The following PTPRD variants were observed in gnomAD, a reference collection of about 807,000 sequenced individuals.
The protein encoded by PTPRD is receptor-type tyrosine-protein phosphatase delta.
In PTPRD, 34 loss-of-function variants were observed where a neutral mutation model predicts 214.5. The ratio of observed to expected loss-of-function variants is 0.16; its 90% CI spans 0.12 to 0.21. The LOEUF is 0.21. Among genes scored for constraint, PTPRD ranks in the 10% least tolerant of loss-of-function variants. The pLI is 1.00. For synonymous variants in PTPRD, 1,128 were observed against 845.7 expected, an observed-to-expected ratio of 1.33 and a Z score of -5.79; for missense variants, 2,545 against 2,398.7, an observed-to-expected ratio of 1.06 and a Z score of -1.27.
intron 9 of PTPRD, among the ~76,000 whole-genome samples, chr9:9,266,392 C>A (rs576831493): frequency 1.5e-3 from 230 of 150,932 alleles, no homozygotes; most frequent in African/African-American, 5.2e-3. Context: ...CATTTTAGAC[C>A]AAGTAGACCT....
intron 12 of PTPRD, among the ~76,000 whole-genome samples, chr9:8,666,136 T>C (rs1163624355): frequency 1.3e-5 from 2 of 152,192 alleles, no homozygotes; most frequent in Non-Finnish European, 2.9e-5. Context: ...TCCATATTTT[T>C]ATACTAAAGG....
intron 5 of PTPRD, among the ~76,000 whole-genome samples, chr9:9,794,086 G>A (rs1261414554): frequency 6.6e-6 from 1 of 151,760 alleles, no homozygotes; most frequent in African/African-American, 2.4e-5. Flanking sequence ...TCCCTCAGGT[G>A]TTCAGAGCTC....
chr9:8,833,707 T>TACACAC (rs1247821456), intron 11 of PTPRD, among the ~76,000 whole-genome samples: 5 of 134,668 alleles, frequency 3.7e-5, no homozygotes, highest in African/African-American at 1.5e-4. Flanking sequence ...TCTCTATATA[T>TACACAC]ATATATATAC....
chr9:9,903,972 T>A (rs1163231914), intron 5 of PTPRD, among the ~76,000 whole-genome samples: 1 of 152,132 alleles, frequency 6.6e-6, no homozygotes, highest in African/African-American at 2.4e-5. Context: ...AACCTCTATC[T>A]TGGGTCAAAG....
At chr9:8,893,370 G>C (rs940555312) in intron 11 of PTPRD, among the ~76,000 whole-genome samples, 1 of 152,172 alleles carries the variant, frequency 6.6e-6, no homozygotes, top group Non-Finnish European at 1.5e-5. Flanking sequence ...AGGGAGAGTA[G>C]AGAAGGGAGC....
intron 5 of PTPRD, among the ~76,000 whole-genome samples, chr9:9,813,784 A>G (rs1473895361): frequency 6.6e-6 from 1 of 152,136 alleles, no homozygotes. Flanking sequence ...TTACCCTCAT[A>G]CCAAACCCAG....
intron 9 of PTPRD, among the ~76,000 whole-genome samples, chr9:9,251,356 T>C (rs555097588): frequency 5.3e-5 from 8 of 152,236 alleles, no homozygotes; most frequent in Admixed American, 2.0e-4. Context: ...CTGCCTACTT[T>C]TCTAGCAATA....
At position 9,647,284 on chromosome 9, in the gene PTPRD, A is replaced by C. The variant is rs555961706; in HGVS notation, c.-286-72503T>G. ...CTCAAACTTTAAAAAATTAAAGACAATTTATTTGATGACTGCTAATTGCAA... is the reference window on the plus strand; with the variant it reads ...CTCAAACTTTAAAAAATTAAAGACACTTTATTTGATGACTGCTAATTGCAA... On this transcript the variant is annotated intron_variant, in intron 7 of 45. Transcript: ENST00000381196. Among the ~76,000 whole-genome samples, 7 of 152,288 alleles carry C rather than the reference A, an allele frequency of 4.6e-5. No individual in the cohort carries two copies. The East Asian group carries it at 1.2e-3, about 25-fold the overall frequency.
intron 37 of PTPRD, among the ~76,000 whole-genome samples, chr9:8,386,658 A>G (rs1283591610): frequency 6.6e-6 from 1 of 152,174 alleles, no homozygotes; most frequent in Non-Finnish European, 1.5e-5. Context: ...TCCCAAGGTC[A>G]GCCCACAGAA....
intron 6 of PTPRD, among the ~76,000 whole-genome samples, chr9:9,749,341 C>T (rs2098491670): frequency 6.6e-6 from 1 of 152,068 alleles, no homozygotes; most frequent in Non-Finnish European, 1.5e-5. Flanking sequence ...TTTGCCCATG[C>T]CTTTATAACC....
chr9:8,711,435 C>T (rs1028955167), intron 12 of PTPRD, among the ~76,000 whole-genome samples: 1 of 152,100 alleles, frequency 6.6e-6, no homozygotes, highest in Admixed American at 6.5e-5. Context: ...TACAGTAACT[C>T]TCTCCTTGAA....
chr9:8,355,913 T>C (rs2076875655), intron 39 of PTPRD, among the ~76,000 whole-genome samples: 1 of 152,146 alleles, frequency 6.6e-6, no homozygotes, highest in Admixed American at 6.6e-5. Context: ...CTAACATTTT[T>C]ATATGTAAAT....
At chr9:9,518,379 G>A (rs1345224485) in intron 8 of PTPRD, among the ~76,000 whole-genome samples, 4 of 152,042 alleles carry the variant, frequency 2.6e-5, no homozygotes, top group African/African-American at 9.7e-5. Flanking sequence ...TAGTAGCATT[G>A]TCAAAATTTG....
intron 9 of PTPRD, among the ~76,000 whole-genome samples, chr9:9,306,635 T>A: frequency 6.6e-6 from 1 of 151,662 alleles, no homozygotes; most frequent in East Asian, 1.9e-4. Context: ...TGAATATACT[T>A]GAGAAAATGA....
chr9:8,337,847 C>G (rs1020290035), intron 43 of PTPRD, among the ~76,000 whole-genome samples: 1 of 151,652 alleles, frequency 6.6e-6, no homozygotes, highest in Admixed American at 6.6e-5. Flanking sequence ...ACTCACATAC[C>G]TAGCTTCAAA....
chr9:8,865,163 A>G (rs977024911), intron 11 of PTPRD, among the ~76,000 whole-genome samples: 2 of 141,488 alleles, frequency 1.4e-5, no homozygotes, highest in Admixed American at 7.1e-5. Context: ...TTCTTTAATC[A>G]TAATACAAAC....
intron 9 of PTPRD, among the ~76,000 whole-genome samples, chr9:9,387,286 T>G (rs2064181801): frequency 6.6e-6 from 1 of 152,182 alleles, no homozygotes. Context: ...TTTTTCAGAT[T>G]TGTTGAGAGA....
At chr9:10,160,616 A>C (rs1238819968) in intron 3 of PTPRD, among the ~76,000 whole-genome samples, 1 of 151,942 alleles carries the variant, frequency 6.6e-6, no homozygotes, top group East Asian at 1.9e-4. Context: ...CCCACAGCTA[A>C]CCATTATACT....
intron 8 of PTPRD, among the ~76,000 whole-genome samples, chr9:9,519,538 A>G (rs976933019): frequency 2.6e-5 from 4 of 152,014 alleles, no homozygotes; most frequent in African/African-American, 9.7e-5. Context: ...CAGACATTAA[A>G]AAGAATACAA....
Sources: gnomAD v4.1 joint callset for allele counts (sites outside exome capture counted in the v4.1 genomes callset) on GRCh38, gnomAD v4.1.1 for gene constraint, MANE v1.5 for transcripts, NCBI Gene and HGNC (gene_info 2026-07-23, HGNC 2026-07-21) for gene names.